The following SND1 variants were observed in gnomAD, a reference collection of about 807,000 sequenced individuals.
SND1 encodes staphylococcal nuclease and tudor domain containing 1.
Under a neutral mutation model 121.7 loss-of-function variants are expected in SND1, and 38 were observed. The ratio of observed to expected loss-of-function variants is 0.31; its 90% confidence interval spans 0.24 to 0.41. The LOEUF is 0.41. Ranked by LOEUF, SND1 falls within the 10% of genes least tolerant of loss-of-function variation. SND1 has a pLI of 1.00. For synonymous variants in SND1, 401 were observed against 447.4 expected (o/e 0.90, Z 1.31); for missense variants, 868 against 1,184.6 (o/e 0.73, Z 3.92).
At chr7:127,762,866 C>T (rs2116479863) in intron 10 of SND1, among the ~76,000 whole-genome samples, 1 of 152,288 alleles carries the variant, frequency 6.6e-6, no homozygotes, top group African/African-American at 2.4e-5. Context: ...TATGCAATGG[C>T]ATCATGTTTT....
chr7:127,704,780 T>C, intron 7 of SND1, 59 bp from the exon 8 acceptor site: 1 of 1,352,588 alleles, frequency 7.4e-7, no homozygotes, highest in Non-Finnish European at 1.1e-6. Flanking sequence ...TCTAGAGAAA[T>C]GGATTCTTTT....
intron 10 of SND1, among the ~76,000 whole-genome samples, chr7:127,762,396 G>A (rs1797320503): frequency 6.6e-6 from 1 of 152,156 alleles, no homozygotes; most frequent in Non-Finnish European, 1.5e-5. Flanking sequence ...CCCCCTTGCT[G>A]TCTCTTCATG....
intron 15 of SND1, among the ~76,000 whole-genome samples, chr7:127,952,459 A>G (rs1801482332): frequency 6.6e-6 from 1 of 152,146 alleles, no homozygotes; most frequent in Non-Finnish European, 1.5e-5. Context: ...GAACAAGCTC[A>G]GGGAGCAGGA....
intron 10 of SND1, among the ~76,000 whole-genome samples, chr7:127,759,303 AT>A (rs1797257889): frequency 6.6e-6 from 1 of 152,184 alleles, no homozygotes; most frequent in African/African-American, 2.4e-5. Flanking sequence ...ATAAAATCAA[AT>A]TAATTTTTAT....
intron 12 of SND1, among the ~76,000 whole-genome samples, chr7:127,845,703 T>A (rs1799047252): frequency 6.6e-6 from 1 of 152,230 alleles, no homozygotes. Context: ...CTGCTGCTTT[T>A]AAGTACTGGT....
At chr7:127,873,826 C>T (rs1006187228) in intron 12 of SND1, among the ~76,000 whole-genome samples, 1 of 152,096 alleles carries the variant, frequency 6.6e-6, no homozygotes, top group Non-Finnish European at 1.5e-5. Context: ...TTTTATTATT[C>T]AGCTCTTGAA....
At chr7:127,696,780 A>G (rs1412855732) in intron 3 of SND1, among the ~76,000 whole-genome samples, 1 of 152,238 alleles carries the variant, frequency 6.6e-6, no homozygotes, top group Admixed American at 6.5e-5. Flanking sequence ...TTACTTTTTA[A>G]ACTGACTCAC....
chr7:127,984,451 C>T (rs1442779568), intron 15 of SND1, among the ~76,000 whole-genome samples: 2 of 152,210 alleles, frequency 1.3e-5, no homozygotes, highest in Non-Finnish European at 2.9e-5. Flanking sequence ...CTGGTATTTG[C>T]ATAAAACACC....
At chr7:127,663,412 G>GC in intron 1 of SND1, among the ~76,000 whole-genome samples, 1 of 148,464 alleles carries the variant, frequency 6.7e-6, no homozygotes. Flanking sequence ...TCGCTCTGTC[G>GC]CCAGGCTGGT....
At chr7:127,816,023 G>C (rs1225979970) in intron 11 of SND1, among the ~76,000 whole-genome samples, 1 of 152,170 alleles carries the variant, frequency 6.6e-6, no homozygotes, top group East Asian at 1.9e-4. Flanking sequence ...CAGACCAGCT[G>C]ACAGTTGGTG....
chr7:127,904,174 C>G (rs534895517), intron 13 of SND1, among the ~76,000 whole-genome samples: 1 of 152,292 alleles, frequency 6.6e-6, no homozygotes, highest in Non-Finnish European at 1.5e-5. Flanking sequence ...GTTAAATCCC[C>G]TCTTATTATA....
chr7:127,828,296 C>G (rs1211075372), intron 11 of SND1, among the ~76,000 whole-genome samples: 1 of 152,010 alleles, frequency 6.6e-6, no homozygotes, highest in Non-Finnish European at 1.5e-5. Context: ...TGCGCCCAGC[C>G]GCAAATTTCA....
At chr7:128,090,727 A>G (rs535886333) in intron 22 of SND1, among the ~76,000 whole-genome samples, 6 of 152,094 alleles carry the variant, frequency 3.9e-5, no homozygotes, top group African/African-American at 1.2e-4. Flanking sequence ...GCAAGCCCAC[A>G]TAATGTGTCG....
At chr7:127,769,180 G>A (rs555439343) in intron 10 of SND1, among the ~76,000 whole-genome samples, 33 of 152,196 alleles carry the variant, frequency 2.2e-4, no homozygotes, top group African/African-American at 6.7e-4. Context: ...AGCTGCTGGC[G>A]TAGAATTAAG....
At chr7:128,016,883 T>C (rs1257421509) in intron 16 of SND1, among the ~76,000 whole-genome samples, 1 of 152,272 alleles carries the variant, frequency 6.6e-6, no homozygotes, top group East Asian at 1.9e-4. Context: ...TGCCTGCTTT[T>C]GTTTTTGATC....
chr7:127,761,561 A>T (rs1797306657), intron 10 of SND1, among the ~76,000 whole-genome samples: 1 of 152,210 alleles, frequency 6.6e-6, no homozygotes, highest in Non-Finnish European at 1.5e-5. Context: ...CTGTTCTGTA[A>T]CACTTGTCTC....
intron 10 of SND1, among the ~76,000 whole-genome samples, chr7:127,773,613 T>C (rs917050224): frequency 7.9e-5 from 12 of 152,162 alleles, no homozygotes; most frequent in African/African-American, 2.9e-4. Context: ...CAGTATGAAA[T>C]GGCCATCGCT....
At chr7:128,084,962 C>T (rs1360223672) in intron 19 of SND1, 115 bp downstream of exon 19, 7 of 1,070,634 alleles carry the variant, frequency 6.5e-6, no homozygotes, top group Middle Eastern at 2.1e-4. Flanking sequence ...AATGATGGCC[C>T]CTAGCAGCTC....
At position 127,928,596 on chromosome 7, in the gene SND1, C is replaced by CT. The variant is rs202178752; in HGVS notation, c.1528-584dup. Reference sequence around the variant, plus strand: ...TCAACTTTTTTTTCTTTCTTTCTTTCTTTTTTTTGAGAAAGAGTTTCGCTC... The same window carrying CT: ...TCAACTTTTTTTTCTTTCTTTCTTTCTTTTTTTTTGAGAAAGAGTTTCGCTC... On this transcript the variant is annotated intron_variant, in intron 14 of 23. Coordinates refer to ENST00000354725, the MANE Select transcript of SND1 (RefSeq NM_014390.4). Among the ~76,000 whole-genome samples the CT allele has an allele frequency of 3.9e-3, 486 of 124,618 alleles. 1 individual carries two copies. The highest frequency in any genetic ancestry group is 0.012 in the Middle Eastern group (3 of 244). The allele number at this position is 124,618 out of a possible 152,430, so 81.8% of individuals were successfully genotyped here. A position where few individuals can be genotyped will look rare whatever the true frequency, so the allele number is the denominator to read the frequency against.
Sources: gnomAD v4.1 joint callset for allele counts (sites outside exome capture counted in the v4.1 genomes callset) on GRCh38, gnomAD v4.1.1 for gene constraint, MANE v1.5 for transcripts, NCBI Gene and HGNC (gene_info 2026-07-23, HGNC 2026-07-21) for gene names.